TRAK2: variants seen among roughly 807,000 people sequenced by gnomAD.
TRAK2 encodes trafficking kinesin-binding protein 2.
In TRAK2, 81 loss-of-function variants were observed where a neutral mutation model predicts 104.6. The observed-to-expected ratio is 0.77, with a 90% CI of 0.65 to 0.93. The LOEUF is 0.93. Among genes scored for constraint, TRAK2 ranks in the 40% least tolerant of loss-of-function variants. TRAK2 has a pLI of 0.00. For missense variants in TRAK2, 1,002 were observed against 1,089.0 expected, an observed-to-expected ratio of 0.92 and a Z score of 1.12; for synonymous variants, 406 against 394.4, an observed-to-expected ratio of 1.03 and a Z score of -0.35.
At chr2:201,410,853 C>T (rs1951639838) in intron 2 of TRAK2, 5 of 1,596,870 alleles carry the variant, frequency 3.1e-6, no homozygotes, top group South Asian at 2.2e-5. Flanking sequence ...GGGTTGGCTT[C>T]GCACCAGCAG....
At chr2:201,428,091 G>A (rs1056980417) in intron 1 of TRAK2, among the ~76,000 whole-genome samples, 2 of 151,812 alleles carry the variant, frequency 1.3e-5, no homozygotes, top group Non-Finnish European at 2.9e-5. Context: ...TGCGTAGATT[G>A]CAAAAACGCT....
intron 1 of TRAK2, among the ~76,000 whole-genome samples, chr2:201,439,049 AATT>A (rs1201906109): frequency 1.3e-5 from 2 of 152,248 alleles, no homozygotes; most frequent in African/African-American, 4.8e-5. Context: ...TATTCCAATA[AATT>A]AAGTCTACCT....
rs755031273 is a variant in TRAK2, at chr2:201,389,412, C to T, written c.1285G>A (p.Gly429Ser). The T allele has an allele frequency of 6.2e-7, 1 of 1,614,128 alleles. No homozygotes were observed. Among genetic ancestry groups the T allele is most frequent in the Non-Finnish European group, 8.5e-7 (1 of 1,180,036 alleles). Residue 429 changes from glycine to serine, a missense_variant, in exon 12 of 16, where the codon GGC (glycine) becomes AGC (serine). Transcript: ENST00000332624. ...ATGATGACACTTGAACGGTTGGAGC[C>T]TGGAATGGGTAACAGAGCTGGGAAT... ...ISFPALLPIPGSNRSSVIMTA... is the reference protein window; with the variant it reads ...ISFPALLPIPSSNRSSVIMTA...
At chr2:201,438,973 A>G (rs1044654561) in intron 1 of TRAK2, among the ~76,000 whole-genome samples, 3 of 152,224 alleles carry the variant, frequency 2.0e-5, no homozygotes, top group Non-Finnish European at 4.4e-5. Context: ...TAAATTGGGA[A>G]GCATTCTGTT....
intron 2 of TRAK2, among the ~76,000 whole-genome samples, chr2:201,409,621 G>A (rs1452201295): frequency 1.3e-5 from 2 of 152,194 alleles, no homozygotes; most frequent in African/African-American, 4.8e-5. Context: ...GTTAGCCAAC[G>A]AAATGTAGGT....
chr2:201,420,408 T>C lies in TRAK2; in HGVS notation c.91+9A>G. 1 of 1,611,720 alleles carries C rather than the reference T, an allele frequency of 6.2e-7. No individual in the cohort carries two copies. The highest frequency in any genetic ancestry group is 1.3e-5 in the African/African-American group (1 of 74,996). On this transcript the variant is annotated intron_variant, in intron 2 of 15. Transcript: ENST00000332624. ...GATAGCACTTCAATATTTATTAAAC[T>C]GGACTTACCAGTGATGCTCTCCGAG...
At chr2:201,434,812 T>C (rs1951869682) in intron 1 of TRAK2, among the ~76,000 whole-genome samples, 1 of 152,230 alleles carries the variant, frequency 6.6e-6, no homozygotes, top group African/African-American at 2.4e-5. Context: ...TTAGCTAATA[T>C]TTATACATCC....
intron 7 of TRAK2, among the ~76,000 whole-genome samples, chr2:201,397,041 A>T (rs1951508835): frequency 6.6e-6 from 1 of 152,206 alleles, no homozygotes; most frequent in African/African-American, 2.4e-5. Context: ...GACTTGTTTT[A>T]AAAAATTGGT....
rs1247024170 is a variant in TRAK2 at position 201,380,835 on chromosome 2, A to G, written c.2453T>C (p.Leu818Ser). Residue 818 changes from leucine to serine, a missense_variant, in exon 16 of 16, where the codon TTG becomes TCG. By Grantham distance (145) the Leu-to-Ser change is moderately radical. Transcript: ENST00000332624. ...ATCAGGAGGGTTCCGGGAGGGTCTC[A>G]AGCCATACATCTCCTGGAGGAATGT... ...AETFLQEMYG[L>S]RPSRNPPDVG... The G allele has an allele frequency of 3.1e-6, 5 of 1,614,040 alleles. No homozygotes were observed. The Admixed American group carries it at 8.3e-5, about 27-fold the overall frequency.
chr2:201,393,258 A>T (rs1951464787), intron 9 of TRAK2, among the ~76,000 whole-genome samples: 1 of 152,130 alleles, frequency 6.6e-6, no homozygotes, highest in Admixed American at 6.6e-5. Context: ...TCTTGGCCAA[A>T]ATTATACACG....
Position 201,420,323 on chromosome 2 carries a change from G to C in TRAK2, c.91+94C>G, listed in dbSNP as rs1045538993. The C allele has an allele frequency of 5.9e-6, 6 of 1,017,140 alleles. No individual in the cohort carries two copies. In the African/African-American group the frequency reaches 6.4e-5, roughly 11 times the overall value. The allele number at this position is 1,017,140 out of a possible 1,614,324, so 63.0% of individuals were successfully genotyped here. A position where few individuals can be genotyped will look rare whatever the true frequency, so the allele number is the denominator to read the frequency against. ...ACATCAGACTAGAAAGGGAGGCTTG[G>C]GTTTCATCATGATAGGTCATATATG... On this transcript the variant is annotated intron_variant, in intron 2 of 15. Transcript: ENST00000332624.
At chr2:201,425,278 A>G (rs527422740) in intron 1 of TRAK2, among the ~76,000 whole-genome samples, 3 of 152,252 alleles carry the variant, frequency 2.0e-5, no homozygotes, top group Non-Finnish European at 4.4e-5. Context: ...TTCCTTCCAC[A>G]TTTACATACT....
In TRAK2 at chr2:201,389,364, C is replaced by T; in HGVS notation, c.1333G>A (p.Gly445Ser). The T allele has an allele frequency of 6.2e-7, 1 of 1,614,080 alleles. No homozygotes were observed. The highest frequency in any genetic ancestry group is 8.5e-7 in the Non-Finnish European group (1 of 1,180,014). The change falls in exon 12 of 16, where the codon GGT (glycine) becomes AGT (serine). Residue 445 changes from glycine to serine, a missense_variant. Gly to Ser is a moderately conservative substitution (Grantham distance 56, BLOSUM62 0). Coordinates refer to ENST00000332624, the MANE Select transcript of TRAK2 (RefSeq NM_015049.3). ...GATTTGTCCTCTGTTTGCTGAAGACCAGACTCAAAAGGTTTTGCTGTCATG... is the reference window on the plus strand; with the variant it reads ...GATTTGTCCTCTGTTTGCTGAAGACTAGACTCAAAAGGTTTTGCTGTCATG... Reference protein sequence around the residue: ...VIMTAKPFESGLQQTEDKSLL... With the variant: ...VIMTAKPFESSLQQTEDKSLL...
intron 1 of TRAK2, among the ~76,000 whole-genome samples, chr2:201,441,480 T>C (rs899491885): frequency 6.6e-6 from 1 of 152,228 alleles, no homozygotes; most frequent in Non-Finnish European, 1.5e-5. Context: ...TTTGTAGTCT[T>C]TCAATTTTGT....
At chr2:201,430,532 A>G (rs1214459994) in intron 1 of TRAK2, among the ~76,000 whole-genome samples, 3 of 152,100 alleles carry the variant, frequency 2.0e-5, no homozygotes, top group Non-Finnish European at 1.5e-5. Context: ...GCAATGGCGG[A>G]CGCCCCTCCC....
intron 1 of TRAK2, among the ~76,000 whole-genome samples, chr2:201,430,047 A>T (rs953978725): frequency 6.6e-6 from 1 of 152,208 alleles, no homozygotes; most frequent in African/African-American, 2.4e-5. Flanking sequence ...TCCTTCTAAC[A>T]GTCAGGAGCC....
chr2:201,380,681 A>C lies in TRAK2; in HGVS notation c.2607T>G (p.Asp869Glu). The change falls in exon 16 of 16, where the codon GAT becomes GAG. Residue 869 changes from aspartate (D) to glutamate (E), a missense_variant. Transcript: ENST00000332624. ...TACCTGAATTTAAATAAACAGCAGA[A>C]TCTGGTTTTTGAGGACCAATTTCTG... ...QEAEIGPQKPDSAVYLNSGSS... is the reference protein window; with the variant it reads ...QEAEIGPQKPESAVYLNSGSS... The C allele has an allele frequency of 3.1e-6, 5 of 1,614,092 alleles. No homozygotes were observed. The highest frequency in any genetic ancestry group is 4.2e-6 in the Non-Finnish European group (5 of 1,179,978).
At chr2:201,417,431 A>C (rs1019382504) in intron 2 of TRAK2, among the ~76,000 whole-genome samples, 3 of 152,076 alleles carry the variant, frequency 2.0e-5, no homozygotes, top group African/African-American at 7.2e-5. Flanking sequence ...CCAGGAATGC[A>C]AGTCTGGTTT....
chr2:201,413,869 C>T (rs1951669522), intron 2 of TRAK2, among the ~76,000 whole-genome samples: 3 of 152,170 alleles, frequency 2.0e-5, no homozygotes, highest in South Asian at 2.1e-4. Context: ...CTCCTAATTC[C>T]TCCAGGTGTC....
Sources: allele counts gnomAD v4.1 joint callset (sites outside exome capture counted in the v4.1 genomes callset), GRCh38; gene constraint gnomAD v4.1.1; transcripts MANE v1.5; gene names NCBI Gene and HGNC (gene_info 2026-07-23, HGNC 2026-07-21).